The following CPED1 variants were observed in gnomAD, a reference collection of about 807,000 sequenced individuals.
CPED1 encodes cadherin like and PC-esterase domain containing 1.
In CPED1, 114 loss-of-function variants were observed where a neutral mutation model predicts 128.2. That is an observed-to-expected ratio of 0.89 (90% confidence interval 0.76 to 1.04). The LOEUF (loss-of-function observed/expected upper bound fraction) is 1.04, where lower values mean the gene tolerates loss of function less well. Among genes scored for constraint, CPED1 ranks in the 50% least tolerant of loss-of-function variants. CPED1 has a pLI of 0.00. For synonymous variants in CPED1, 462 were observed against 426.7 expected, an observed-to-expected ratio of 1.08 and a Z score of -1.02; for missense variants, 1,211 against 1,207.1, an observed-to-expected ratio of 1.00 and a Z score of -0.05.
intron 2 of CPED1, among the ~76,000 whole-genome samples, chr7:120,994,330 C>A (rs770635781): frequency 6.6e-6 from 1 of 152,082 alleles, no homozygotes; most frequent in African/African-American, 2.4e-5. Context: ...CTCCCGATAT[C>A]TTTCATTTAT....
chr7:121,172,661 CATAGATAG>C lies in CPED1; in HGVS notation c.2055+30555_2055+30562del, dbSNP rs6150319. Among the ~76,000 whole-genome samples, 320 of 145,312 alleles carry C rather than the reference CATAGATAG, an allele frequency of 2.2e-3. 1 individual carries two copies. The highest frequency in any genetic ancestry group is 6.3e-3 in the African/African-American group (247 of 39,126). ...GGGTGGGTGGTTGGATGGATGGATA[CATAGATAG>C]ATAGATAGATAGATAGATAGATAGA... On this transcript the variant is annotated intron_variant, in intron 16 of 22. Transcript: ENST00000310396.
chr7:121,128,245 A>G (rs1201030706), intron 10 of CPED1, 137 bp from the exon 11 acceptor site: 4 of 586,458 alleles, frequency 6.8e-6, no homozygotes, highest in Non-Finnish European at 1.2e-5. Flanking sequence ...TGAAGTTGCT[A>G]TGTATTATTT....
chr7:121,229,122 A>G lies in CPED1; in HGVS notation c.2056-7592A>G, dbSNP rs535929828. On this transcript the variant is annotated intron_variant, in intron 16 of 22. Coordinates refer to ENST00000310396, the MANE Select transcript of CPED1 (RefSeq NM_024913.5). ...AAAATGTATTATACTCAGATGATGGACAACTTAAATACCCTTACTTGGCCA... is the reference window on the plus strand; with the variant it reads ...AAAATGTATTATACTCAGATGATGGGCAACTTAAATACCCTTACTTGGCCA... Among the ~76,000 whole-genome samples the G allele has an allele frequency of 2.0e-3, 308 of 152,140 alleles. No individual in the cohort carries two copies. The Middle Eastern group carries it at 0.031, about 15-fold the overall frequency.
chr7:121,294,058 T>C (rs1792770016), intron 22 of CPED1, among the ~76,000 whole-genome samples: 1 of 152,054 alleles, frequency 6.6e-6, no homozygotes, highest in African/African-American at 2.4e-5. Context: ...CTTCCCAACC[T>C]TTCCCCCAAT....
At chr7:121,027,028 G>C (rs1792609689) in intron 3 of CPED1, among the ~76,000 whole-genome samples, 2 of 150,022 alleles carry the variant, frequency 1.3e-5, no homozygotes, top group South Asian at 4.2e-4. Context: ...TTTGTAGAGA[G>C]GGGAATCTCA....
At chr7:121,010,233 T>C (rs1792124932) in intron 2 of CPED1, among the ~76,000 whole-genome samples, 1 of 152,122 alleles carries the variant, frequency 6.6e-6, no homozygotes, top group Admixed American at 6.6e-5. Flanking sequence ...CAAAGCTCTA[T>C]TGGGAATACA....
rs144017229 is a variant in CPED1 at position 121,253,473 on chromosome 7, TAAAA to T, written c.2310+9140_2310+9143del. On this transcript the variant is annotated intron_variant, in intron 18 of 22. Coordinates refer to ENST00000310396, the MANE Select transcript of CPED1 (RefSeq NM_024913.5). ...AACTTAAAGTATAATAATAATAAAA[TAAAA>T]AAAAGGAACATAGCTCACTGGCACT... 9.6e-4 allele frequency among the ~76,000 whole-genome samples: 145 copies of T among 151,036 alleles called. 1 individual carries two copies. The highest frequency in any genetic ancestry group is 3.3e-3 in the African/African-American group (138 of 41,222).
chr7:121,061,676 A>T (rs1793676707), intron 4 of CPED1, among the ~76,000 whole-genome samples: 1 of 152,242 alleles, frequency 6.6e-6, no homozygotes, highest in African/African-American at 2.4e-5. Context: ...GAAGCTCATC[A>T]TATAAAAGTC....
At chr7:121,186,117 C>G (rs938103055) in intron 16 of CPED1, among the ~76,000 whole-genome samples, 5 of 152,242 alleles carry the variant, frequency 3.3e-5, no homozygotes, top group East Asian at 1.9e-4. Context: ...TAATTTGCTT[C>G]TCTTCCCAAA....
At chr7:121,280,318 G>A (rs542923867) in intron 22 of CPED1, among the ~76,000 whole-genome samples, 10 of 152,276 alleles carry the variant, frequency 6.6e-5, no homozygotes, top group African/African-American at 2.4e-4. Flanking sequence ...AACTGCATGA[G>A]ACTGTAAGAT....
intron 17 of CPED1, among the ~76,000 whole-genome samples, chr7:121,240,946 G>A (rs917203260): frequency 6.6e-6 from 1 of 152,086 alleles, no homozygotes; most frequent in African/African-American, 2.4e-5. Context: ...ACTTTAGGCT[G>A]TGTCTATATC....
chr7:121,246,630 C>G (rs1230958777), intron 18 of CPED1, among the ~76,000 whole-genome samples: 3 of 152,206 alleles, frequency 2.0e-5, no homozygotes, highest in Non-Finnish European at 4.4e-5. Context: ...ACCTCTACCT[C>G]CTAATAGCAT....
At chr7:121,090,911 T>G (rs1356445410) in intron 5 of CPED1, among the ~76,000 whole-genome samples, 2 of 151,918 alleles carry the variant, frequency 1.3e-5, no homozygotes, top group Non-Finnish European at 2.9e-5. Flanking sequence ...ATCCTGCCAC[T>G]GGCACTCCAG....
chr7:121,089,880 A>T (rs1198804563), intron 5 of CPED1, among the ~76,000 whole-genome samples: 1 of 152,152 alleles, frequency 6.6e-6, no homozygotes, highest in Non-Finnish European at 1.5e-5. Flanking sequence ...AAAAAATGTC[A>T]TTTCCCCTGG....
At chr7:121,004,047 A>C (rs898190680) in intron 2 of CPED1, among the ~76,000 whole-genome samples, 9 of 152,182 alleles carry the variant, frequency 5.9e-5, no homozygotes, top group Non-Finnish European at 1.2e-4. Context: ...TGGGTTTGCC[A>C]GGTATGTGCC....
chr7:121,294,806 C>CAAAAAAAAAAAAAAAAAAAA (rs752742828), intron 22 of CPED1, among the ~76,000 whole-genome samples: 2 of 61,416 alleles, frequency 3.3e-5, no homozygotes, highest in African/African-American at 1.2e-4. Flanking sequence ...GCCTTCTAAG[C>CAAAAAAAAAAAAAAAAAAAA]AAAAAAAAAA....
chr7:121,234,096 C>T lies in CPED1; in HGVS notation c.2056-2618C>T, dbSNP rs116176051. On this transcript the variant is annotated intron_variant, in intron 16 of 22. Transcript: ENST00000310396. The stretch of plus-strand genomic sequence containing the variant: ...AACTATGTCTCCTGACTCCTTTTAG[C>T]TATGAGAGACTGGGAAATCAATTTT... Among the ~76,000 whole-genome samples the T allele has an allele frequency of 7.0e-3, 1,063 of 152,142 alleles. 12 individuals carry two copies. Among genetic ancestry groups the T allele is most frequent in the African/African-American group, 0.025 (1,021 of 41,528 alleles).
At chr7:121,047,707 T>TCCTCCTCCTCCTCCTCC (rs1793246255) in intron 4 of CPED1, among the ~76,000 whole-genome samples, 1 of 59,478 alleles carries the variant, frequency 1.7e-5, no homozygotes, top group African/African-American at 7.0e-5. Context: ...CTTCTTCTTC[T>TCCTCCTCCTCCTCCTCC]TCTTCTTCTT....
At chr7:121,060,071 G>GGCCGGCCCT in intron 4 of CPED1, among the ~76,000 whole-genome samples, 1 of 152,306 alleles carries the variant, frequency 6.6e-6, no homozygotes, top group South Asian at 2.1e-4. Context: ...CGGAGCAGCC[G>GGCCGGCCCT]GCCGGCCCTG....
Sources: gnomAD v4.1 joint callset for allele counts (sites outside exome capture counted in the v4.1 genomes callset) on GRCh38, gnomAD v4.1.1 for gene constraint, MANE v1.5 for transcripts, NCBI Gene and HGNC (gene_info 2026-07-23, HGNC 2026-07-21) for gene names.